COL17A1: variants seen among roughly 807,000 people sequenced by gnomAD.
COL17A1 encodes collagen alpha-1(XVII) chain.
In COL17A1, 181 loss-of-function variants were observed where a neutral mutation model predicts 218.4. The observed-to-expected ratio is 0.83, with a 90% confidence interval of 0.73 to 0.94. COL17A1 has a LOEUF of 0.94. Among genes scored for constraint, COL17A1 ranks in the 40% least tolerant of loss-of-function variants. The pLI, the probability that COL17A1 is intolerant of heterozygous loss-of-function variation, is 0.00. For missense variants in COL17A1, 1,924 were observed against 1,945.9 expected (o/e 0.99, Z 0.21); for synonymous variants, 721 against 731.0 (o/e 0.99, Z 0.22).
At chr10:104,038,793 C>T (rs2086328595) in intron 44 of COL17A1, among the ~76,000 whole-genome samples, 1 of 152,126 alleles carries the variant, frequency 6.6e-6, no homozygotes, top group Non-Finnish European at 1.5e-5. Context: ...ACATCGCATC[C>T]CCCTTCTCTC....
rs529968195 is a variant in COL17A1 at position 104,051,366 on chromosome 10, C to T, written c.2038+115G>A. 56 of 1,341,828 alleles carry T rather than the reference C, an allele frequency of 4.2e-5. No individual in the cohort carries two copies. In the African/African-American group the frequency reaches 7.6e-4, roughly 18 times the overall value. 83.1% of individuals were successfully genotyped at this position (1,341,828 alleles called of 1,614,324 possible). On this transcript the variant is annotated intron_variant, in intron 25 of 55. Coordinates refer to ENST00000648076, the MANE Select transcript of COL17A1 (RefSeq NM_000494.4). ...ACATGCAGACTTGAATTCTATATCTCTAGGAGGCTTGCTTTATAATTGCTT... is the reference window on the plus strand; with the variant it reads ...ACATGCAGACTTGAATTCTATATCTTTAGGAGGCTTGCTTTATAATTGCTT...
Position 104,035,393 on chromosome 10 carries a change from C to A in COL17A1, c.3509-20G>T. 4 of 1,613,778 alleles carry A rather than the reference C, an allele frequency of 2.5e-6. No homozygotes were observed. Among genetic ancestry groups the A allele is most frequent in the Non-Finnish European group, 3.4e-6 (4 of 1,179,728 alleles). On this transcript the variant is annotated intron_variant, in intron 49 of 55. Transcript: ENST00000648076. ...CAGACCCTGAGACACCAAGGGAGGG[C>A]ACGGAGTCAGTCCTGGCCTGGGCCA...
chr10:104,073,911 G>A (rs2086688047), intron 6 of COL17A1: 1 of 436,228 alleles, frequency 2.3e-6, no homozygotes, highest in African/African-American at 2.0e-5. Context: ...TTGGCCTTAG[G>A]GGCTTATCCA....
chr10:104,053,080 T>TCCCATGGGGCCTTCTCGCCCTCTCTGG lies in COL17A1; in HGVS notation c.1863_1889dup (p.Gln622_Gly630dup). 6.2e-7 allele frequency: 1 copy of TCCCATGGGGCCTTCTCGCCCTCTCTGG among 1,614,006 alleles called. No homozygotes were observed. The highest frequency in any genetic ancestry group is 1.3e-5 in the African/African-American group (1 of 75,036). On this transcript the variant is annotated inframe_insertion, in exon 23 of 56. Coordinates refer to ENST00000648076, the MANE Select transcript of COL17A1 (RefSeq NM_000494.4). ...CAGGAGGCCCTGCCTCACCACGAGG[T>TCCCATGGGGCCTTCTCGCCCTCTCTGG]CCCATGGGGCCTTCTCGCCCTCTCT... is the stretch of plus-strand genomic sequence containing the variant.
At chr10:104,053,326 G>T (rs1390874300) in intron 22 of COL17A1, among the ~76,000 whole-genome samples, 191 bp from the exon 23 acceptor site, 2 of 152,076 alleles carry the variant, frequency 1.3e-5, no homozygotes, top group African/African-American at 2.4e-5. Context: ...AGTAGATCAT[G>T]TTCTACCTCT....
intron 4 of COL17A1, 120 bp from the exon 5 acceptor site, chr10:104,076,549 T>C: frequency 7.5e-7 from 1 of 1,332,360 alleles, no homozygotes; most frequent in Non-Finnish European, 1.1e-6. Flanking sequence ...AGGGCACAGC[T>C]GAAAGGGGCC....
intron 28 of COL17A1, 64 bp downstream of exon 28, chr10:104,050,025 C>A: frequency 1.2e-6 from 2 of 1,612,570 alleles, no homozygotes; most frequent in Non-Finnish European, 1.7e-6. Flanking sequence ...TTTTTCCAAC[C>A]TAGTGACTGA....
At chr10:104,083,014 AC>A (rs10714754) in intron 1 of COL17A1, among the ~76,000 whole-genome samples, 351 of 152,310 alleles carry the variant, frequency 2.3e-3, no homozygotes, top group African/African-American at 8.1e-3. Flanking sequence ...ATCTGAAGCC[AC>A]CCCAATGTCT....
chr10:104,084,907 T>G (rs1349287107), intron 1 of COL17A1, among the ~76,000 whole-genome samples: 1 of 152,230 alleles, frequency 6.6e-6, no homozygotes, highest in Non-Finnish European at 1.5e-5. Context: ...GATTAACTAC[T>G]TCTCAAAAGA....
At chr10:104,034,402 G>T (rs1187884810) in intron 51 of COL17A1, 68 bp from the exon 52 acceptor site, 15 of 1,510,606 alleles carry the variant, frequency 9.9e-6, no homozygotes, top group Admixed American at 4.0e-5. Context: ...GGGAGTTAGG[G>T]AGTCTCTCCC....
intron 17 of COL17A1, 70 bp from the exon 18 acceptor site, chr10:104,056,073 T>TGTCAGGCTCTCCACTA: frequency 6.4e-7 from 1 of 1,568,376 alleles, no homozygotes; most frequent in Non-Finnish European, 8.8e-7. Flanking sequence ...TCGCTCCTAG[T>TGTCAGGCTCTCCACTA]GGAGAGCCTG....
At position 104,060,030 on chromosome 10, in the gene COL17A1, T is replaced by C. The variant is rs1359716510; in HGVS notation, c.1141+89A>G. On this transcript the variant is annotated intron_variant, in intron 14 of 55. Transcript: ENST00000648076. ...GGGATGGCTATGGTTTCATGACTCATAGGGTCCCAAACCACCTTGCTAGGA... is the reference window on the plus strand; with the variant it reads ...GGGATGGCTATGGTTTCATGACTCACAGGGTCCCAAACCACCTTGCTAGGA... 18 of 1,593,292 alleles carry C rather than the reference T, an allele frequency of 1.1e-5. No homozygotes were observed. The South Asian group carries it at 1.5e-4, about 13-fold the overall frequency.
intron 9 of COL17A1, 137 bp from the exon 10 acceptor site, chr10:104,064,733 A>G (rs2086612818): frequency 1.2e-6 from 1 of 822,360 alleles, no homozygotes; most frequent in Non-Finnish European, 2.0e-6. Context: ...TTCTCAGTCC[A>G]GGAACCTGGG....
intron 50 of COL17A1, 152 bp from the exon 51 acceptor site, chr10:104,034,919 G>A (rs2086260457): frequency 1.1e-6 from 1 of 936,250 alleles, no homozygotes; most frequent in Non-Finnish European, 1.6e-6. Flanking sequence ...CAGGAGGCCA[G>A]AGCCTGCTGT....
chr10:104,081,334 T>C (rs2086763137), intron 1 of COL17A1, among the ~76,000 whole-genome samples: 1 of 152,220 alleles, frequency 6.6e-6, no homozygotes, highest in South Asian at 2.1e-4. Flanking sequence ...GTAAAATCTA[T>C]AGAAGCATGT....
Position 104,076,295 on chromosome 10 carries a change from T to A in COL17A1, c.331+6A>T. 1 of 1,614,060 alleles carries A rather than the reference T, an allele frequency of 6.2e-7. No homozygotes were observed. The highest frequency in any genetic ancestry group is 2.2e-5 in the East Asian group (1 of 44,878). ...GGTTCTCTTGTATGGTTAGTGGGACTGATACCTTCATACGCATGGCGGGTA... is the reference window on the plus strand; with the variant it reads ...GGTTCTCTTGTATGGTTAGTGGGACAGATACCTTCATACGCATGGCGGGTA... On this transcript the variant is annotated splice_donor_region_variant and intron_variant, in intron 5 of 55. Transcript: ENST00000648076.
intron 53 of COL17A1, 24 bp from the exon 54 acceptor site, chr10:104,032,992 C>G (rs759532345): frequency 6.2e-7 from 1 of 1,610,750 alleles, no homozygotes; most frequent in South Asian, 1.1e-5. Context: ...GAAACACTGG[C>G]CTTAGAGTCT....
chr10:104,032,072 T>TAA lies in COL17A1; in HGVS notation c.*161_*162dup, dbSNP rs1405834600. 1.5e-6 allele frequency: 1 copy of TAA among 653,250 alleles called. No individual in the cohort carries two copies. The highest frequency in any genetic ancestry group is 2.8e-6 in the Non-Finnish European group (1 of 361,256). The allele number at this position is 653,250 out of a possible 1,614,324, so 40.5% of individuals were successfully genotyped here. ...ATTGTGTATCTTTGACTGAATTCTATAAGTATATATTGTTCAGACTAAAAC... is the reference window on the plus strand; with the variant it reads ...ATTGTGTATCTTTGACTGAATTCTATAAAAGTATATATTGTTCAGACTAAAAC... On this transcript the variant is annotated 3_prime_UTR_variant, in exon 56 of 56. Transcript: ENST00000648076.
intron 39 of COL17A1, among the ~76,000 whole-genome samples, chr10:104,040,766 C>G (rs902146332): frequency 8.5e-5 from 13 of 152,162 alleles, no homozygotes; most frequent in Admixed American, 6.5e-4. Context: ...CGCATGTATC[C>G]TGCCTACTTT....
Sources: allele counts gnomAD v4.1 joint callset (sites outside exome capture counted in the v4.1 genomes callset), GRCh38; gene constraint gnomAD v4.1.1; transcripts MANE v1.5; gene names NCBI Gene and HGNC (gene_info 2026-07-23, HGNC 2026-07-21).